VPS53: variants seen among roughly 807,000 people sequenced by gnomAD.
The protein encoded by VPS53 is VPS53 subunit of GARP complex.
Under a neutral mutation model 107.0 loss-of-function variants are expected in VPS53, and 70 were observed. The observed-to-expected ratio is 0.65, with a 90% CI of 0.54 to 0.80. The LOEUF is 0.80. Among genes scored for constraint, VPS53 ranks in the 30% least tolerant of loss-of-function variants. The pLI is 0.00. For missense variants in VPS53, 917 were observed against 1,049.4 expected (o/e 0.87, Z 1.74); for synonymous variants, 409 against 393.3 (o/e 1.04, Z -0.47).
At chr17:586,840 T>C (rs1967345329) in intron 12 of VPS53, among the ~76,000 whole-genome samples, 1 of 152,152 alleles carries the variant, frequency 6.6e-6, no homozygotes, top group Non-Finnish European at 1.5e-5. Context: ...GACTCAGAGG[T>C]TCTCTAACCT....
intron 4 of VPS53, among the ~76,000 whole-genome samples, chr17:686,303 G>A (rs1972583632): frequency 6.6e-6 from 1 of 152,116 alleles, no homozygotes; most frequent in African/African-American, 2.4e-5. Context: ...CTGAATGACA[G>A]AGTGAGACCC....
At position 524,170 on chromosome 17, in the gene VPS53, A is replaced by G. The variant is rs1908953909; in HGVS notation, c.2086-2432T>C. Among the ~76,000 whole-genome samples, 1 of 152,046 alleles carries G rather than the reference A, an allele frequency of 6.6e-6. No homozygotes were observed. Among genetic ancestry groups the G allele is most frequent in the Admixed American group, 6.6e-5 (1 of 15,260 alleles). On this transcript the variant is annotated intron_variant, in intron 19 of 21. Transcript: ENST00000437048. The surrounding 1 kb of genome is among the most constrained non-coding windows in gnomAD (Gnocchi z 4.5). ...AAAAATTAGCCGGGTGTGGTGGCGC[A>G]TGCCTGTAATCCCAGCTACTCGGGA...
intron 17 of VPS53, among the ~76,000 whole-genome samples, chr17:548,437 TCC>T (rs2151832677): frequency 6.9e-6 from 1 of 145,712 alleles, no homozygotes; most frequent in Non-Finnish European, 1.5e-5. Context: ...TCTGGAAATA[TCC>T]AACGACTACA....
chr17:700,059 T>G (rs1973136602), intron 2 of VPS53, among the ~76,000 whole-genome samples: 1 of 152,192 alleles, frequency 6.6e-6, no homozygotes, highest in South Asian at 2.1e-4. Flanking sequence ...GTTGTACCCT[T>G]AAGATTTGTG....
chr17:665,136 C>T (rs1012707811), intron 4 of VPS53, among the ~76,000 whole-genome samples: 2 of 152,168 alleles, frequency 1.3e-5, no homozygotes, highest in Middle Eastern at 3.2e-3. Context: ...TTTGCCCTCA[C>T]GAACAAATGA....
At chr17:614,459 C>T (rs7213808) in intron 11 of VPS53, among the ~76,000 whole-genome samples, 266 of 152,310 alleles carry the variant, frequency 1.7e-3, no homozygotes, top group African/African-American at 6.1e-3. Context: ...CTGTATTATT[C>T]TCTTCTCAGA....
chr17:513,768 C>A lies in VPS53; in HGVS notation c.*5360G>T, dbSNP rs529013019. The A allele has an allele frequency of 7.4e-6, 1 of 134,814 alleles. No homozygotes were observed. The highest frequency in any genetic ancestry group is 1.6e-5 in the Non-Finnish European group (1 of 61,830). The allele number at this position is 134,814 out of a possible 1,614,324, so 8.4% of individuals were successfully genotyped here. A position where few individuals can be genotyped will look rare whatever the true frequency, so the allele number is the denominator to read the frequency against. ...GAGTGCTCTTCCTAGGGAAGGAATC[C>A]CATTTCCAGCAGGTTATTCCGAGTG... On this transcript the variant is annotated 3_prime_UTR_variant, in exon 22 of 22. Transcript: ENST00000437048.
At chr17:637,793 A>C (rs886235788) in intron 7 of VPS53, among the ~76,000 whole-genome samples, 8 of 152,254 alleles carry the variant, frequency 5.3e-5, no homozygotes, top group African/African-American at 1.9e-4. Context: ...AGTTCGTTAT[A>C]ATTTCTGTTC....
At chr17:685,144 G>A (rs1308301191) in intron 4 of VPS53, 2 of 152,306 alleles carry the variant, frequency 1.3e-5, no homozygotes, top group East Asian at 3.9e-4. Context: ...CAGCTGGAGT[G>A]GAGAAAGCGG....
intron 7 of VPS53, among the ~76,000 whole-genome samples, chr17:640,339 T>C (rs1429175834): frequency 6.6e-6 from 1 of 152,092 alleles, no homozygotes; most frequent in Non-Finnish European, 1.5e-5. Flanking sequence ...CCTGACCCCT[T>C]GCGCTTCCCG....
At chr17:683,891 A>T (rs1265659927) in intron 4 of VPS53, among the ~76,000 whole-genome samples, 2 of 152,224 alleles carry the variant, frequency 1.3e-5, no homozygotes, top group Non-Finnish European at 2.9e-5. Context: ...AATATTTTTA[A>T]AATTTATTTT....
At chr17:580,809 A>T in intron 13 of VPS53, among the ~76,000 whole-genome samples, 1 of 150,486 alleles carries the variant, frequency 6.6e-6, no homozygotes, top group Admixed American at 6.6e-5. Context: ...CTCCCTCAGA[A>T]CCTAATGCAT....
In VPS53 at chr17:636,832, A is replaced by G. The variant is rs1453489162; in HGVS notation, c.609-5204T>C. 3.3e-5 allele frequency among the ~76,000 whole-genome samples: 5 copies of G among 152,320 alleles called. No homozygotes were observed. In the East Asian group the frequency reaches 9.6e-4, roughly 29 times the overall value. Reference sequence around the variant, plus strand: ...GATTTGGTTTGCCAGTATTTTACTGAGGATTTTTGTGCCAATGTTCATCAG... The same window carrying G: ...GATTTGGTTTGCCAGTATTTTACTGGGGATTTTTGTGCCAATGTTCATCAG... On this transcript the variant is annotated intron_variant, in intron 7 of 21. Transcript: ENST00000437048.
intron 1 of VPS53, among the ~76,000 whole-genome samples, chr17:712,577 T>C (rs1973685133): frequency 6.6e-6 from 1 of 152,156 alleles, no homozygotes. Flanking sequence ...CACTACTCTT[T>C]ACAAGTATGC....
chr17:702,710 C>A (rs1973254094), intron 2 of VPS53, among the ~76,000 whole-genome samples: 1 of 152,142 alleles, frequency 6.6e-6, no homozygotes, highest in Admixed American at 6.6e-5. Flanking sequence ...TAAAGTTACA[C>A]TATTTGATAG....
intron 7 of VPS53, among the ~76,000 whole-genome samples, chr17:637,216 T>C (rs966187114): frequency 2.6e-5 from 4 of 152,236 alleles, no homozygotes; most frequent in Admixed American, 2.0e-4. Flanking sequence ...GGGGTGTTTA[T>C]AGTATTTTCT....
chr17:615,101 A>G (rs886808658), intron 11 of VPS53, among the ~76,000 whole-genome samples: 6 of 152,234 alleles, frequency 3.9e-5, no homozygotes, highest in African/African-American at 1.2e-4. Flanking sequence ...ATCCAGTTAC[A>G]TCACATCCAG....
In VPS53 at chr17:520,865, C is replaced by G. The variant is rs1357351569; in HGVS notation, c.2223+736G>C. Among the ~76,000 whole-genome samples the G allele has an allele frequency of 6.6e-6, 1 of 152,206 alleles. No homozygotes were observed. The highest frequency in any genetic ancestry group is 2.4e-5 in the African/African-American group (1 of 41,516). ...CCCTCACCTACATGAGCTCTTCACC[C>G]TCACCTACATGAGCTCTTCACCCTT... On this transcript the variant is annotated intron_variant, in intron 20 of 21. Coordinates refer to ENST00000437048, the MANE Select transcript of VPS53 (RefSeq NM_001128159.3). The surrounding 1 kb of genome is among the most constrained non-coding windows in gnomAD (Gnocchi z 4.4).
At chr17:698,266 C>T in intron 3 of VPS53, among the ~76,000 whole-genome samples, 1 of 151,992 alleles carries the variant, frequency 6.6e-6, no homozygotes, top group Non-Finnish European at 1.5e-5. Flanking sequence ...AACCCTGTAA[C>T]TACTAAAAAC....
Sources: gnomAD v4.1 joint callset for allele counts (sites outside exome capture counted in the v4.1 genomes callset) on GRCh38, gnomAD v4.1.1 for gene constraint, Gnocchi (gnomAD v3.1) non-coding constraint, MANE v1.5 for transcripts, NCBI Gene and HGNC (gene_info 2026-07-23, HGNC 2026-07-21) for gene names.